The following PDE10A variants were observed in gnomAD, a reference collection of about 807,000 sequenced individuals.
The protein encoded by PDE10A is cAMP and cAMP-inhibited cGMP 3',5'-cyclic phosphodiesterase 10A.
In PDE10A, 39 loss-of-function variants were observed where a neutral mutation model predicts 97.7. That is an observed-to-expected ratio of 0.40 (90% CI 0.31 to 0.52). The LOEUF is 0.52. Ranked by LOEUF, PDE10A falls within the 20% of genes least tolerant of loss-of-function variation. PDE10A has a pLI of 0.56. For synonymous variants in PDE10A, 371 were observed against 376.8 expected (o/e 0.98, Z 0.18); for missense variants, 731 against 1,047.8 (o/e 0.70, Z 4.17).
chr6:165,516,253 A>G (rs1279431653), intron 2 of PDE10A, among the ~76,000 whole-genome samples: 1 of 152,122 alleles, frequency 6.6e-6, no homozygotes, highest in Non-Finnish European at 1.5e-5. Context: ...ATAAGCATAC[A>G]GTCTCTTAAT....
chr6:165,378,447 G>A (rs2128206459), intron 18 of PDE10A, among the ~76,000 whole-genome samples: 1 of 152,276 alleles, frequency 6.6e-6, no homozygotes, highest in South Asian at 2.1e-4. Flanking sequence ...AAAAGCTAGT[G>A]TTACCACTAC....
chr6:165,726,639 G>T (rs1374718049), intron 1 of PDE10A, among the ~76,000 whole-genome samples: 1 of 152,162 alleles, frequency 6.6e-6, no homozygotes. Flanking sequence ...CCGCATCCTT[G>T]TCTGTTCCTT....
chr6:165,535,673 C>A (rs1327571159), intron 2 of PDE10A, among the ~76,000 whole-genome samples: 2 of 151,486 alleles, frequency 1.3e-5, no homozygotes, highest in Non-Finnish European at 3.0e-5. Flanking sequence ...TAGATTGGTT[C>A]CATATTTTTG....
chr6:165,784,337 C>A (rs1313945086), intron 1 of PDE10A, among the ~76,000 whole-genome samples: 2 of 152,212 alleles, frequency 1.3e-5, no homozygotes. Context: ...CTCCCATGAG[C>A]ACCTCCTTGG....
intron 1 of PDE10A, among the ~76,000 whole-genome samples, chr6:165,898,466 G>T (rs1369099831): frequency 6.6e-6 from 1 of 152,126 alleles, no homozygotes; most frequent in East Asian, 1.9e-4. Context: ...ACAGAGCAAA[G>T]CACGAAACCT....
chr6:165,434,642 T>C (rs1165419238), intron 6 of PDE10A, among the ~76,000 whole-genome samples: 1 of 152,152 alleles, frequency 6.6e-6, no homozygotes, highest in African/African-American at 2.4e-5. Context: ...CACTTGTATG[T>C]TTCCCACTAC....
At chr6:165,567,451 T>C (rs1784829521) in intron 1 of PDE10A, among the ~76,000 whole-genome samples, 2 of 152,322 alleles carry the variant, frequency 1.3e-5, no homozygotes, top group Admixed American at 1.3e-4. Context: ...AAAAATGACC[T>C]AGAGAAACTG....
chr6:165,871,788 G>A (rs962671349), intron 1 of PDE10A, among the ~76,000 whole-genome samples: 5 of 152,184 alleles, frequency 3.3e-5, no homozygotes, highest in African/African-American at 4.8e-5. Flanking sequence ...GGTGCAAAAG[G>A]AGACAGCAGC....
rs1273461398 is a variant in PDE10A at position 165,921,671 on chromosome 6, A to G, written c.-615+65858T>C. Among the ~76,000 whole-genome samples the G allele has an allele frequency of 3.3e-5, 5 of 152,124 alleles. No individual in the cohort carries two copies. In the East Asian group the frequency reaches 9.6e-4, roughly 29 times the overall value. On this transcript the variant is annotated intron_variant, in intron 1 of 19. Coordinates refer to the PDE10A transcript ENST00000366882. ...AAGAGGCTGTTCCAAGCAAAGGGAG[A>G]TCTTGTGCAATGGCCTGTGATGAGA...
chr6:165,579,378 A>G (rs1461646146), intron 1 of PDE10A, among the ~76,000 whole-genome samples: 1 of 152,200 alleles, frequency 6.6e-6, no homozygotes, highest in East Asian at 1.9e-4. Flanking sequence ...TCATAATTAC[A>G]TGGCAGACTG....
chr6:165,815,336 C>T (rs926001053), intron 1 of PDE10A, among the ~76,000 whole-genome samples: 1 of 152,188 alleles, frequency 6.6e-6, no homozygotes, highest in African/African-American at 2.4e-5. Context: ...GAAATATTGT[C>T]ATGGAAATCC....
chr6:165,448,813 A>AAAT (rs1791058526), intron 5 of PDE10A, 115 bp downstream of exon 5: 1 of 664,228 alleles, frequency 1.5e-6, no homozygotes, highest in Non-Finnish European at 2.6e-6. Context: ...ACAAAACACA[A>AAAT]AATGATTTAA....
Position 165,840,020 on chromosome 6 carries a change from A to AAC in PDE10A, c.-615+147508_-615+147509insGT, listed in dbSNP as rs1562762908. ...CCATCCCATCTCCATCCTCATCTGC[A>AAC]TCCATTCCCATTCCCATCTCCATCT... On this transcript the variant is annotated intron_variant, in intron 1 of 19. Transcript: ENST00000366882. 1.9e-4 allele frequency among the ~76,000 whole-genome samples: 14 copies of AAC among 74,106 alleles called. 5 individuals are homozygous for AAC. Among genetic ancestry groups the AAC allele is most frequent in the South Asian group, 5.3e-4 (1 of 1,876 alleles). 48.6% of individuals were successfully genotyped at this position (74,106 alleles called of 152,430 possible).
At position 165,445,042 on chromosome 6, in the gene PDE10A, G is replaced by A. The variant is rs375233346; in HGVS notation, c.1194+3886C>T. Among the ~76,000 whole-genome samples, 58 of 152,014 alleles carry A rather than the reference G, an allele frequency of 3.8e-4. 1 individual carries two copies. In the South Asian group the frequency reaches 8.1e-3, roughly 21 times the overall value. ...GACTTTCTTGCTATGATTCCAAATC[G>A]AGACAATTTTTTAAAGATTGACAAT... On this transcript the variant is annotated intron_variant, in intron 5 of 21. Coordinates refer to ENST00000539869, the MANE Select transcript of PDE10A (RefSeq NM_001385079.1).
At chr6:165,360,326 G>A (rs1218779842) in intron 18 of PDE10A, among the ~76,000 whole-genome samples, 4 of 152,248 alleles carry the variant, frequency 2.6e-5, no homozygotes, top group Non-Finnish European at 5.9e-5. Context: ...CAGATTCTTG[G>A]CATCTCAGCA....
intron 1 of PDE10A, among the ~76,000 whole-genome samples, chr6:165,836,719 G>T (rs1024825761): frequency 2.0e-5 from 3 of 152,080 alleles, no homozygotes; most frequent in African/African-American, 7.2e-5. Flanking sequence ...GCTGAAAGTG[G>T]GGGGTCAGAA....
intron 1 of PDE10A, among the ~76,000 whole-genome samples, chr6:165,648,992 CG>C (rs1051067063): frequency 1.3e-5 from 2 of 152,162 alleles, no homozygotes; most frequent in African/African-American, 2.4e-5. Context: ...AGAGAGCAAT[CG>C]CCACCAGGGT....
Position 165,655,865 on chromosome 6 carries a change from C to A in PDE10A, c.865+6082G>T, listed in dbSNP as rs994213293. 2.6e-5 allele frequency among the ~76,000 whole-genome samples: 4 copies of A among 152,004 alleles called. No homozygotes were observed. Among genetic ancestry groups the A allele is most frequent in the Admixed American group, 1.3e-4 (2 of 15,262 alleles). On this transcript the variant is annotated intron_variant, in intron 1 of 21. Coordinates refer to ENST00000539869, the MANE Select transcript of PDE10A (RefSeq NM_001385079.1). The surrounding 1 kb of genome is among the most constrained non-coding windows in gnomAD (Gnocchi z 4.5). ...GGGCTCAGCTCCAGCACGGCCGTCA[C>A]CCCGCTCCTCTGCCTTGTGAGCCCC...
At chr6:165,935,478 A>C (rs953876238) in intron 1 of PDE10A, among the ~76,000 whole-genome samples, 2 of 152,212 alleles carry the variant, frequency 1.3e-5, no homozygotes, top group Non-Finnish European at 1.5e-5. Context: ...AAACATTTTG[A>C]AAGTAGAGAG....
Sources: gnomAD v4.1 joint callset for allele counts (sites outside exome capture counted in the v4.1 genomes callset) on GRCh38, gnomAD v4.1.1 for gene constraint, Gnocchi (gnomAD v3.1) non-coding constraint, MANE v1.5 for transcripts, NCBI Gene and HGNC (gene_info 2026-07-23, HGNC 2026-07-21) for gene names.